Variants in ATXN7L1 observed in about 807,000 individuals in gnomAD.
ATXN7L1 encodes ataxin 7 like 1, also known as ataxin-7-like protein 1.
Under a neutral mutation model 70.8 loss-of-function variants are expected in ATXN7L1, and 15 were observed. The observed-to-expected ratio is 0.21, with a 90% CI of 0.14 to 0.33. ATXN7L1 has a LOEUF of 0.33. Ranked by LOEUF, ATXN7L1 falls within the 10% of genes least tolerant of loss-of-function variation. ATXN7L1 has a pLI of 1.00. For synonymous variants in ATXN7L1, 440 were observed against 445.1 expected (o/e 0.99, Z 0.14); for missense variants, 975 against 1,097.1 (o/e 0.89, Z 1.57).
intron 2 of ATXN7L1, among the ~76,000 whole-genome samples, chr7:105,798,228 C>T (rs574084949): frequency 1.6e-4 from 25 of 152,292 alleles, no homozygotes; most frequent in African/African-American, 5.3e-4. Context: ...CTGTTCCTTC[C>T]CCCCACCCCA....
chr7:105,696,165 G>A (rs1047542949), intron 3 of ATXN7L1, among the ~76,000 whole-genome samples: 5 of 152,216 alleles, frequency 3.3e-5, no homozygotes, highest in African/African-American at 9.6e-5. Flanking sequence ...TGGACTTCAC[G>A]TTGACTGTTA....
chr7:105,873,443 C>A (rs1818573148), intron 2 of ATXN7L1, among the ~76,000 whole-genome samples: 1 of 152,182 alleles, frequency 6.6e-6, no homozygotes, highest in African/African-American at 2.4e-5. Flanking sequence ...AAAAGAGGGC[C>A]CATGGCAAGC....
At chr7:105,705,585 C>G (rs1793054270) in intron 3 of ATXN7L1, among the ~76,000 whole-genome samples, 2 of 152,182 alleles carry the variant, frequency 1.3e-5, no homozygotes, top group Admixed American at 6.6e-5. Flanking sequence ...GCAGCTCTCC[C>G]TGTCTCCAGG....
In ATXN7L1 at chr7:105,813,457, C is replaced by A. The variant is rs201817597; in HGVS notation, c.251-24749G>T. 5.9e-5 allele frequency among the ~76,000 whole-genome samples: 9 copies of A among 152,018 alleles called. No individual in the cohort carries two copies. In the East Asian group the frequency reaches 1.5e-3, roughly 26 times the overall value. ...GGTTCAAGCGATTCTCCTGCCTCAG[C>A]CTCCCTAGTAGCTGGGATTATAGGC... On this transcript the variant is annotated intron_variant, in intron 2 of 11. Coordinates refer to ENST00000419735, the MANE Select transcript of ATXN7L1 (RefSeq NM_020725.2).
intron 2 of ATXN7L1, among the ~76,000 whole-genome samples, chr7:105,797,027 A>C (rs1806090505): frequency 6.6e-6 from 1 of 152,190 alleles, no homozygotes; most frequent in Non-Finnish European, 1.5e-5. Context: ...AAATCAGTGA[A>C]ATCTGCAAAG....
chr7:105,802,171 C>A (rs187078636), intron 2 of ATXN7L1, among the ~76,000 whole-genome samples: 1 of 152,132 alleles, frequency 6.6e-6, no homozygotes, highest in Admixed American at 6.5e-5. Flanking sequence ...CCAAGTGGAA[C>A]GAGTCAAGGC....
intron 4 of ATXN7L1, among the ~76,000 whole-genome samples, chr7:105,643,565 G>C (rs959273448): frequency 6.6e-5 from 10 of 152,170 alleles, no homozygotes; most frequent in Admixed American, 2.6e-4. Flanking sequence ...AGCCCGGCCC[G>C]GATCGGGCCT....
At chr7:105,681,627 T>G (rs1383877279) in intron 3 of ATXN7L1, among the ~76,000 whole-genome samples, 2 of 152,120 alleles carry the variant, frequency 1.3e-5, no homozygotes, top group Admixed American at 6.6e-5. Context: ...TTACTCACAA[T>G]AGTCAAAAGG....
At chr7:105,807,152 C>T (rs1254722814) in intron 2 of ATXN7L1, among the ~76,000 whole-genome samples, 1 of 152,178 alleles carries the variant, frequency 6.6e-6, no homozygotes, top group Non-Finnish European at 1.5e-5. Context: ...GCTGCCCCAC[C>T]ACAATGCCAG....
At chr7:105,825,164 AC>A (rs1445078124) in intron 2 of ATXN7L1, among the ~76,000 whole-genome samples, 1 of 152,236 alleles carries the variant, frequency 6.6e-6, no homozygotes, top group African/African-American at 2.4e-5. Context: ...CCACCAAATT[AC>A]TAATCAAGTC....
At chr7:105,770,379 T>C (rs1801821462) in intron 3 of ATXN7L1, among the ~76,000 whole-genome samples, 1 of 152,218 alleles carries the variant, frequency 6.6e-6, no homozygotes, top group South Asian at 2.1e-4. Context: ...TATAAATGGA[T>C]ACCCGTTAAG....
chr7:105,827,028 C>G (rs1810966581), intron 2 of ATXN7L1, among the ~76,000 whole-genome samples: 1 of 152,200 alleles, frequency 6.6e-6, no homozygotes, highest in African/African-American at 2.4e-5. Context: ...AGCACAACAT[C>G]TCAGAGTAAG....
intron 4 of ATXN7L1, among the ~76,000 whole-genome samples, chr7:105,659,363 A>T (rs1401577855): frequency 6.6e-6 from 1 of 152,178 alleles, no homozygotes; most frequent in Non-Finnish European, 1.5e-5. Context: ...CACGAGTACC[A>T]CGCTTGTTGA....
At chr7:105,831,391 C>T (rs541443806) in intron 2 of ATXN7L1, among the ~76,000 whole-genome samples, 3 of 152,292 alleles carry the variant, frequency 2.0e-5, no homozygotes, top group African/African-American at 7.2e-5. Flanking sequence ...GTTGTAACAG[C>T]GCTTCCAAAT....
chr7:105,641,403 G>A (rs12386562), intron 5 of ATXN7L1, among the ~76,000 whole-genome samples: 207 of 151,782 alleles, frequency 1.4e-3, no homozygotes, highest in African/African-American at 4.8e-3. Flanking sequence ...CTGGAGCTGA[G>A]CAGGCTGTTG....
intron 4 of ATXN7L1, among the ~76,000 whole-genome samples, chr7:105,644,747 C>T (rs1251173527): frequency 1.3e-5 from 2 of 152,204 alleles, no homozygotes; most frequent in Non-Finnish European, 2.9e-5. Context: ...ATACAGAATT[C>T]TTCTAGGCTT....
In ATXN7L1 at chr7:105,614,351, GGAA is replaced by G. The variant is rs1793521161; in HGVS notation, c.1980_1982del (p.Ser661del). On this transcript the variant is annotated inframe_deletion, in exon 10 of 12. Coordinates refer to ENST00000419735, the MANE Select transcript of ATXN7L1 (RefSeq NM_020725.2). The surrounding 1 kb of genome is among the most constrained non-coding windows in gnomAD (Gnocchi z 4.3). ...GTGGAGACGAGAGGGATGTCTGCAA[GGAA>G]GAGGAGGAGGAGGAGGAGGAGGAGG... 6.4e-7 allele frequency: 1 copy of G among 1,552,384 alleles called. No individual in the cohort carries two copies. The highest frequency in any genetic ancestry group is 8.7e-7 in the Non-Finnish European group (1 of 1,147,146).
rs189005358 is a variant in ATXN7L1, at chr7:105,803,950, T to C, written c.251-15242A>G. On this transcript the variant is annotated intron_variant, in intron 2 of 11. Coordinates refer to ENST00000419735, the MANE Select transcript of ATXN7L1 (RefSeq NM_020725.2). Reference sequence around the variant, plus strand: ...GGCTAAGTGGTCCAGGAAGGAACCCTCCACAGGTAAGGGACTGAGAGCTGT... The same window carrying C: ...GGCTAAGTGGTCCAGGAAGGAACCCCCCACAGGTAAGGGACTGAGAGCTGT... Among the ~76,000 whole-genome samples the C allele has an allele frequency of 1.2e-3, 178 of 152,214 alleles. 1 individual carries two copies. Among genetic ancestry groups the C allele is most frequent in the African/African-American group, 4.1e-3 (171 of 41,554 alleles).
At chr7:105,838,996 G>A (rs1812812575) in intron 2 of ATXN7L1, among the ~76,000 whole-genome samples, 1 of 152,186 alleles carries the variant, frequency 6.6e-6, no homozygotes, top group Non-Finnish European at 1.5e-5. Context: ...CTCAGGTTAG[G>A]CAGAAATCTC....
Sources: allele counts gnomAD v4.1 joint callset (sites outside exome capture counted in the v4.1 genomes callset), GRCh38; gene constraint gnomAD v4.1.1; non-coding constraint Gnocchi (gnomAD v3.1); transcripts MANE v1.5; gene names NCBI Gene and HGNC (gene_info 2026-07-23, HGNC 2026-07-21).